The following PLCB4 variants were observed in gnomAD, a reference collection of about 807,000 sequenced individuals.
The protein encoded by PLCB4 is 1-phosphatidylinositol 4,5-bisphosphate phosphodiesterase beta-4.
A neutral mutation model predicts 178.8 loss-of-function variants in PLCB4; 77 were observed. That is an observed-to-expected ratio of 0.43 (90% confidence interval 0.36 to 0.52). The LOEUF is 0.52. Ranked by LOEUF, PLCB4 falls within the 20% of genes least tolerant of loss-of-function variation. The pLI is 0.00. For missense variants in PLCB4, 1,024 were observed against 1,453.4 expected, an observed-to-expected ratio of 0.70 and a Z score of 4.80; for synonymous variants, 496 against 490.8, an observed-to-expected ratio of 1.01 and a Z score of -0.14.
chr20:9,396,513 A>G (rs1256483949), intron 19 of PLCB4, among the ~76,000 whole-genome samples: 1 of 152,218 alleles, frequency 6.6e-6, no homozygotes, highest in Non-Finnish European at 1.5e-5. Flanking sequence ...TCACATAGCA[A>G]CAATCATAAT....
At position 9,390,511 on chromosome 20, in the gene PLCB4, T is replaced by C. The variant is rs201242329; in HGVS notation, c.1239-20T>C. On this transcript the variant is annotated intron_variant, in intron 16 of 39. Transcript: ENST00000378473. ...GTTAATGGGTGTTTGAATTTACAAA[T>C]GCCACTTTTTTCTCTCCAGCAAATA... 2.5e-4 allele frequency: 330 copies of C among 1,312,242 alleles called. No individual in the cohort carries two copies. The highest frequency in any genetic ancestry group is 3.3e-4 in the Non-Finnish European group (302 of 907,198). The allele number at this position is 1,312,242 out of a possible 1,614,324, so 81.3% of individuals were successfully genotyped here. A position where few individuals can be genotyped will look rare whatever the true frequency, so the allele number is the denominator to read the frequency against.
At chr20:9,267,843 G>A (rs989821635) in intron 3 of PLCB4, among the ~76,000 whole-genome samples, 2 of 152,130 alleles carry the variant, frequency 1.3e-5, no homozygotes, top group African/African-American at 4.8e-5. Flanking sequence ...TGGAGTAATG[G>A]GTTAGCATGG....
chr20:9,225,981 G>A (rs1379576771), intron 3 of PLCB4, among the ~76,000 whole-genome samples: 2 of 152,218 alleles, frequency 1.3e-5, no homozygotes, highest in African/African-American at 4.8e-5. Flanking sequence ...AACCCTCCCA[G>A]GAGAGGAACC....
At chr20:9,189,847 A>T (rs1703789803) in intron 2 of PLCB4, among the ~76,000 whole-genome samples, 1 of 152,118 alleles carries the variant, frequency 6.6e-6, no homozygotes, top group Non-Finnish European at 1.5e-5. Flanking sequence ...ATTAATGAGG[A>T]TAGACCCATC....
chr20:9,124,267 A>G (rs760445660), intron 2 of PLCB4, among the ~76,000 whole-genome samples: 1 of 152,152 alleles, frequency 6.6e-6, no homozygotes, highest in Non-Finnish European at 1.5e-5. Context: ...GAACTTCGGG[A>G]GACTGAAGTG....
intron 2 of PLCB4, among the ~76,000 whole-genome samples, chr20:9,128,415 A>AT (rs1183056701): frequency 7.9e-5 from 12 of 151,854 alleles, no homozygotes; most frequent in Admixed American, 1.3e-4. Flanking sequence ...CATCTTAACC[A>AT]TTTTTTTAAA....
At chr20:9,472,327 TTATCATCTC>T (rs1366165427) in intron 36 of PLCB4, among the ~76,000 whole-genome samples, 1 of 152,224 alleles carries the variant, frequency 6.6e-6, no homozygotes, top group East Asian at 1.9e-4. Context: ...TCTGTGGTTT[TTATCATCTC>T]TCCAGGTGAT....
intron 36 of PLCB4, among the ~76,000 whole-genome samples, chr20:9,469,850 T>A (rs2044063692): frequency 6.6e-6 from 1 of 152,182 alleles, no homozygotes; most frequent in East Asian, 1.9e-4. Flanking sequence ...AGGCACTTAA[T>A]TCCCAGCGAT....
intron 2 of PLCB4, among the ~76,000 whole-genome samples, chr20:9,128,885 ACT>A (rs1253284409): frequency 2.0e-5 from 3 of 152,082 alleles, no homozygotes; most frequent in African/African-American, 7.2e-5. Context: ...TGCAAAATTG[ACT>A]ACTCTAGGTT....
rs750255555 is a variant in PLCB4 at position 9,407,904 on chromosome 20, C to T, written c.1648-13C>T. ...AGTCATCAACTTATATGTTTTCTTC[C>T]TTGTGCTTGTAGGGCCTGGTCACTG... On this transcript the variant is annotated splice_polypyrimidine_tract_variant and intron_variant, in intron 21 of 39. Coordinates refer to ENST00000378473, the MANE Select transcript of PLCB4 (RefSeq NM_001377142.1). The T allele has an allele frequency of 1.9e-6, 3 of 1,604,568 alleles. No homozygotes were observed. The highest frequency in any genetic ancestry group is 2.5e-6 in the Non-Finnish European group (3 of 1,176,848).
In PLCB4 at chr20:9,407,782, C is replaced by T. The variant is rs57065796; in HGVS notation, c.1648-135C>T. 8,551 of 632,016 alleles carry T rather than the reference C, an allele frequency of 0.014. 561 individuals are homozygous for T. In the African/African-American group the frequency reaches 0.14, roughly 10 times the overall value. 39.2% of individuals were successfully genotyped at this position (632,016 alleles called of 1,614,324 possible). A position where few individuals can be genotyped will look rare whatever the true frequency, so the allele number is the denominator to read the frequency against. ...ACTAACTTCTTAAAGTATCCTTTAG[C>T]ATAATTGAGGAAGAAAAAGCCTTTA... On this transcript the variant is annotated intron_variant, in intron 21 of 39. Coordinates refer to ENST00000378473, the MANE Select transcript of PLCB4 (RefSeq NM_001377142.1).
At chr20:9,216,989 A>AC (rs1258229557) in intron 2 of PLCB4, among the ~76,000 whole-genome samples, 1 of 152,266 alleles carries the variant, frequency 6.6e-6, no homozygotes, top group Admixed American at 6.5e-5. Context: ...AATAGATGTA[A>AC]TTCTGTTATA....
At chr20:9,158,442 T>G (rs2092826681) in intron 2 of PLCB4, among the ~76,000 whole-genome samples, 1 of 151,594 alleles carries the variant, frequency 6.6e-6, no homozygotes, top group East Asian at 1.9e-4. Context: ...ATTTTTTTTT[T>G]TTTTTTAATA....
At chr20:9,278,046 G>A (rs2094464974) in intron 3 of PLCB4, among the ~76,000 whole-genome samples, 1 of 151,978 alleles carries the variant, frequency 6.6e-6, no homozygotes, top group Non-Finnish European at 1.5e-5. Context: ...CACCCAGAGT[G>A]AATGTTTTCA....
intron 2 of PLCB4, among the ~76,000 whole-genome samples, chr20:9,170,650 G>A (rs2093049315): frequency 6.6e-6 from 1 of 152,166 alleles, no homozygotes; most frequent in Non-Finnish European, 1.5e-5. Context: ...GAAACAGAAA[G>A]CTCTATCCTT....
At chr20:9,134,247 C>G (rs2092336699) in intron 2 of PLCB4, among the ~76,000 whole-genome samples, 1 of 152,138 alleles carries the variant, frequency 6.6e-6, no homozygotes, top group Non-Finnish European at 1.5e-5. Flanking sequence ...TTGAGGACAA[C>G]TGATATAGAA....
chr20:9,289,258 A>G, intron 3 of PLCB4, among the ~76,000 whole-genome samples: 1 of 152,164 alleles, frequency 6.6e-6, no homozygotes, highest in East Asian at 1.9e-4. Flanking sequence ...TTCCCCAAAT[A>G]GCATTGTAGA....
chr20:9,246,373 C>T (rs1358988383), intron 3 of PLCB4, among the ~76,000 whole-genome samples: 5 of 152,078 alleles, frequency 3.3e-5, no homozygotes, highest in Admixed American at 3.3e-4. Flanking sequence ...TTGTTATAAC[C>T]GCCCTGTGAA....
At chr20:9,267,013 A>G (rs189322127) in intron 3 of PLCB4, among the ~76,000 whole-genome samples, 1 of 152,310 alleles carries the variant, frequency 6.6e-6, no homozygotes, top group Admixed American at 6.5e-5. Flanking sequence ...AATAGAACAG[A>G]GCAAGTTTAT....
Sources: gnomAD v4.1 joint callset for allele counts (sites outside exome capture counted in the v4.1 genomes callset) on GRCh38, gnomAD v4.1.1 for gene constraint, MANE v1.5 for transcripts, NCBI Gene and HGNC (gene_info 2026-07-23, HGNC 2026-07-21) for gene names.